Variants in GAB1 observed in about 807,000 individuals in gnomAD.
GAB1 encodes the protein GRB2 associated binding protein 1.
Under a neutral mutation model 66.5 loss-of-function variants are expected in GAB1, and 19 were observed. The ratio of observed to expected loss-of-function variants is 0.29; its 90% confidence interval spans 0.20 to 0.42. GAB1 has a LOEUF of 0.42. GAB1 is among the 10% of genes least tolerant of loss of function. The probability of loss-of-function intolerance (pLI) is 1.00; values close to 1 mark genes in which losing one functional copy is unlikely to be tolerated. For synonymous variants in GAB1, 294 were observed against 301.4 expected (o/e 0.98, Z 0.25); for missense variants, 732 against 858.5 (o/e 0.85, Z 1.84).
chr4:143,406,979 T>A (rs1036173412), intron 1 of GAB1, among the ~76,000 whole-genome samples: 1 of 152,214 alleles, frequency 6.6e-6, no homozygotes, highest in Non-Finnish European at 1.5e-5. Flanking sequence ...CATACTTTCC[T>A]GTGGAACCTA....
chr4:143,407,263 C>CTT (rs138480643), intron 1 of GAB1, among the ~76,000 whole-genome samples: 41 of 143,524 alleles, frequency 2.9e-4, no homozygotes, highest in African/African-American at 7.9e-4. Flanking sequence ...TTTGTCATTG[C>CTT]TTTTTTTTTT....
chr4:143,435,680 C>T (rs1204876718), intron 3 of GAB1, among the ~76,000 whole-genome samples: 1 of 152,142 alleles, frequency 6.6e-6, no homozygotes, highest in East Asian at 1.9e-4. Flanking sequence ...AAGGTACAAA[C>T]TATATAAGAT....
intron 1 of GAB1, among the ~76,000 whole-genome samples, chr4:143,393,897 C>A (rs1032719653): frequency 6.6e-6 from 1 of 152,082 alleles, no homozygotes; most frequent in Non-Finnish European, 1.5e-5. Flanking sequence ...CTTTTACATA[C>A]TTAGGACAAG....
chr4:143,417,385 C>A, intron 2 of GAB1: 1 of 415,736 alleles, frequency 2.4e-6, no homozygotes, highest in Non-Finnish European at 4.8e-6. Context: ...GGAATTCTAC[C>A]TCGGGTACTT....
At chr4:143,378,238 T>G (rs1730497398) in intron 1 of GAB1, among the ~76,000 whole-genome samples, 1 of 152,216 alleles carries the variant, frequency 6.6e-6, no homozygotes, top group African/African-American at 2.4e-5. Flanking sequence ...GGTGGTGTGG[T>G]AGAAGAACTC....
rs563973707 is a variant in GAB1, at chr4:143,392,251, C to T, written c.73-23226C>T. Reference sequence around the variant, plus strand: ...TTCCCCAGTTTTTATTTTTACCCCACAAAAATGGTAAAAATAATTAACAGT... The same window carrying T: ...TTCCCCAGTTTTTATTTTTACCCCATAAAAATGGTAAAAATAATTAACAGT... On this transcript the variant is annotated intron_variant, in intron 1 of 9. Transcript: ENST00000262994. Among the ~76,000 whole-genome samples the T allele has an allele frequency of 2.0e-5, 3 of 152,196 alleles. No homozygotes were observed. In the East Asian group the frequency reaches 5.8e-4, roughly 29 times the overall value.
At chr4:143,372,504 T>G (rs1244315213) in intron 1 of GAB1, among the ~76,000 whole-genome samples, 1 of 151,714 alleles carries the variant, frequency 6.6e-6, no homozygotes, top group African/African-American at 2.4e-5. Flanking sequence ...CTGTAGGTGA[T>G]AACTACTGAG....
chr4:143,382,786 A>G (rs1461067584), intron 1 of GAB1, among the ~76,000 whole-genome samples: 1 of 151,848 alleles, frequency 6.6e-6, no homozygotes. Flanking sequence ...TTTTTTTTCA[A>G]TGTCTGCAAG....
intron 2 of GAB1, among the ~76,000 whole-genome samples, chr4:143,428,803 A>G (rs929776599): frequency 2.8e-5 from 4 of 142,512 alleles, no homozygotes; most frequent in Non-Finnish European, 4.5e-5. Flanking sequence ...AACAATGAGA[A>G]CACTTGAACA....
chr4:143,384,487 CT>C (rs1730806274), intron 1 of GAB1, among the ~76,000 whole-genome samples: 1 of 152,104 alleles, frequency 6.6e-6, no homozygotes, highest in African/African-American at 2.4e-5. Context: ...CTTGACTTTC[CT>C]TGAGTTTCCA....
intron 1 of GAB1, chr4:143,350,095 G>T: frequency 6.7e-6 from 9 of 1,345,702 alleles, no homozygotes; most frequent in Non-Finnish European, 9.3e-6. Flanking sequence ...GGGCCCTCCC[G>T]CTGCACCGGC....
chr4:143,424,986 A>G lies in GAB1; in HGVS notation c.368-8505A>G, dbSNP rs140396631. ...AGAAAAAAAAAGGCCTTTCTGTGCT[A>G]CCCACAGAGGGGTCCATACGGCGTT... On this transcript the variant is annotated intron_variant, in intron 2 of 9. Transcript: ENST00000262994. 454 of 661,738 alleles carry G rather than the reference A, an allele frequency of 6.9e-4. 1 individual carries two copies. In the African/African-American group the frequency reaches 7.4e-3, roughly 11 times the overall value. The allele number at this position is 661,738 out of a possible 1,614,324, so 41.0% of individuals were successfully genotyped here.
chr4:143,408,576 TG>T (rs1732191633), intron 1 of GAB1, among the ~76,000 whole-genome samples: 1 of 152,214 alleles, frequency 6.6e-6, no homozygotes. Context: ...GCATTGCTCA[TG>T]TATATATATC....
intron 1 of GAB1, among the ~76,000 whole-genome samples, chr4:143,374,189 A>G (rs1212464500): frequency 6.6e-6 from 1 of 151,948 alleles, no homozygotes; most frequent in East Asian, 1.9e-4. Flanking sequence ...GAACCCATAC[A>G]TTTTGGTGGC....
At chr4:143,409,089 A>G (rs891628285) in intron 1 of GAB1, among the ~76,000 whole-genome samples, 3 of 152,218 alleles carry the variant, frequency 2.0e-5, no homozygotes, top group Admixed American at 6.5e-5. Context: ...TTAATGGACT[A>G]CTTGCGTGAT....
Position 143,460,390 on chromosome 4 carries a change from G to A in GAB1, c.1706G>A (p.Arg569Gln), listed in dbSNP as rs1735427650. 1 of 1,613,476 alleles carries A rather than the reference G, an allele frequency of 6.2e-7. No homozygotes were observed. The highest frequency in any genetic ancestry group is 8.5e-7 in the Non-Finnish European group (1 of 1,179,664). Residue 569 changes from arginine to glutamine, a missense_variant, in exon 8 of 10, where the codon CGA becomes CAA. Arg to Gln is a conservative substitution (Grantham distance 43, BLOSUM62 1). Around this residue, in one of 4 missense-constraint regions of GAB1, gnomAD observed 204 missense variants for 276.8 expected, o/e 0.74. Transcript: ENST00000262994. The stretch of plus-strand genomic sequence containing the variant: ...TCTTCCAGGTTTCCCATGTCCCCCC[G>A]ACCAGATTCAGTGCATAGCACAACT... Reference protein sequence around the residue: ...RDSSRFPMSPRPDSVHSTTSS... With the variant: ...RDSSRFPMSPQPDSVHSTTSS...
At chr4:143,344,551 A>G (rs1728930216) in intron 1 of GAB1, among the ~76,000 whole-genome samples, 1 of 152,084 alleles carries the variant, frequency 6.6e-6, no homozygotes, top group South Asian at 2.1e-4. Flanking sequence ...TTTCTTTTTT[A>G]TATTACCCCT....
At chr4:143,456,183 C>T (rs901766233) in intron 6 of GAB1, among the ~76,000 whole-genome samples, 8 of 152,158 alleles carry the variant, frequency 5.3e-5, no homozygotes, top group African/African-American at 1.4e-4. Flanking sequence ...CGTAGCCGGG[C>T]GCGGTGGCTT....
chr4:143,466,075 C>G (rs200727770), intron 8 of GAB1, 28 bp from the exon 9 acceptor site: 1 of 1,609,362 alleles, frequency 6.2e-7, no homozygotes, highest in Admixed American at 1.7e-5. Flanking sequence ...AATGTCTGAC[C>G]GTTGATTTTG....
Sources: allele counts gnomAD v4.1 joint callset (sites outside exome capture counted in the v4.1 genomes callset), GRCh38; gene constraint gnomAD v4.1.1; regional missense constraint gnomAD v4.1.1; transcripts MANE v1.5; gene names NCBI Gene and HGNC (gene_info 2026-07-23, HGNC 2026-07-21).